Variants in ZNF585A observed in about 807,000 individuals in gnomAD.
ZNF585A encodes the protein zinc finger protein 585A.
In ZNF585A, 9 loss-of-function variants were observed where a neutral mutation model predicts 14.9. That is an observed-to-expected ratio of 0.60 (90% CI 0.36 to 1.05). The LOEUF is 1.05. Among genes scored for constraint, ZNF585A ranks in the 50% least tolerant of loss-of-function variants. The pLI, the probability that ZNF585A is intolerant of heterozygous loss-of-function variation, is 0.01. For missense variants in ZNF585A, 726 were observed against 926.4 expected (o/e 0.78, Z 2.81); for synonymous variants, 276 against 319.9 (o/e 0.86, Z 1.46).
Position 37,151,569 on chromosome 19 carries a change from G to T in ZNF585A, c.*20C>A. 1.3e-6 allele frequency: 2 copies of T among 1,594,416 alleles called. No homozygotes were observed. Among genetic ancestry groups the T allele is most frequent in the Non-Finnish European group, 1.7e-6 (2 of 1,169,492 alleles). On this transcript the variant is annotated 3_prime_UTR_variant, in exon 5 of 5. Transcript: ENST00000292841. ...ACAATCAGACCCAACCCTCAGGGGG[G>T]TTTTCTCACACTGTTTCTCTCAAGC...
Position 37,155,973 on chromosome 19 carries a change from G to A in ZNF585A, c.200-16C>T, listed in dbSNP as rs778663355. On this transcript the variant is annotated splice_polypyrimidine_tract_variant and intron_variant, in intron 3 of 4. Transcript: ENST00000292841. ...ACTTGATATCCTGTTCATGGGAAAT[G>A]ATAAAGGTCTGGGTCCAGCTAATTG... is the stretch of plus-strand genomic sequence containing the variant. 6.2e-7 allele frequency: 1 copy of A among 1,613,652 alleles called. No individual in the cohort carries two copies. Among genetic ancestry groups the A allele is most frequent in the African/African-American group, 1.3e-5 (1 of 74,884 alleles).
In ZNF585A at chr19:37,150,176, T is replaced by G. The variant is rs1294049082; in HGVS notation, c.*1413A>C. ...GGGAAATGTGGACATTATGGTTCAT[T>G]GTAAGTCACCGCCATTGCCTGAGGG... On this transcript the variant is annotated 3_prime_UTR_variant, in exon 5 of 5. Coordinates refer to ENST00000292841, the MANE Select transcript of ZNF585A (RefSeq NM_001288800.2). The G allele has an allele frequency of 2.0e-5, 3 of 151,990 alleles. No homozygotes were observed. The highest frequency in any genetic ancestry group is 6.6e-5 in the Admixed American group (1 of 15,248). The allele number at this position is 151,990 out of a possible 1,614,324, so 9.4% of individuals were successfully genotyped here.
intron 2 of ZNF585A, among the ~76,000 whole-genome samples, chr19:37,161,170 AAC>A (rs774992328): frequency 3.1e-4 from 17 of 54,814 alleles, no homozygotes; most frequent in African/African-American, 4.8e-4. Context: ...AAATCAGACA[AAC>A]ACAGTAACAA....
chr19:37,151,348 A>G lies in ZNF585A; in HGVS notation c.*241T>C. The G allele has an allele frequency of 2.2e-6, 1 of 462,136 alleles. No individual in the cohort carries two copies. Among genetic ancestry groups the G allele is most frequent in the Non-Finnish European group, 3.8e-6 (1 of 262,618 alleles). 28.6% of individuals were successfully genotyped at this position (462,136 alleles called of 1,614,324 possible). ...ATGAGAAGGCTTTTCCTATTCACCA[A>G]ATTGACTCGGTTCCTTGTCAGTATG... On this transcript the variant is annotated 3_prime_UTR_variant, in exon 5 of 5. Coordinates refer to ENST00000292841, the MANE Select transcript of ZNF585A (RefSeq NM_001288800.2).
intron 2 of ZNF585A, among the ~76,000 whole-genome samples, chr19:37,156,978 C>G (rs1231763903): frequency 6.6e-6 from 1 of 152,206 alleles, no homozygotes; most frequent in Non-Finnish European, 1.5e-5. Context: ...GCGTGAGCCA[C>G]CGCGCCTGGC....
At chr19:37,164,710 C>T (rs1166448356) in intron 2 of ZNF585A, among the ~76,000 whole-genome samples, 1 of 152,154 alleles carries the variant, frequency 6.6e-6, no homozygotes, top group Non-Finnish European at 1.5e-5. Flanking sequence ...GACAGGGTGT[C>T]ACTGTCACCT....
chr19:37,161,810 A>T (rs956042973), intron 2 of ZNF585A, among the ~76,000 whole-genome samples: 3 of 152,248 alleles, frequency 2.0e-5, no homozygotes, highest in African/African-American at 7.2e-5. Context: ...TAAGAAAAAA[A>T]AAGTCATGTA....
At chr19:37,155,645 G>A (rs939582184) in intron 4 of ZNF585A, among the ~76,000 whole-genome samples, 5 of 151,974 alleles carry the variant, frequency 3.3e-5, no homozygotes, top group East Asian at 2.0e-4. Flanking sequence ...ACACAGCCCC[G>A]GCTGCGACCC....
intron 4 of ZNF585A, among the ~76,000 whole-genome samples, chr19:37,155,158 G>A (rs553556617): frequency 4.6e-5 from 7 of 151,878 alleles, no homozygotes; most frequent in African/African-American, 9.6e-5. Context: ...CCACCACGGC[G>A]CCCGGCTAAT....
At position 37,156,065 on chromosome 19, in the gene ZNF585A, T is replaced by C. The variant is rs948152499; in HGVS notation, c.200-108A>G. The C allele has an allele frequency of 1.1e-5, 18 of 1,569,988 alleles. No individual in the cohort carries two copies. In the African/African-American group the frequency reaches 1.2e-4, roughly 11 times the overall value. ...GATTTTTTCTTCAGAAAAGTAACCA[T>C]AACTTTTCAGGGTAAAATTCTGAGT... On this transcript the variant is annotated intron_variant, in intron 3 of 4. Transcript: ENST00000292841.
In ZNF585A at chr19:37,152,929, T is replaced by C; in HGVS notation, c.970A>G (p.Lys324Glu). 6.2e-7 allele frequency: 1 copy of C among 1,614,262 alleles called. No homozygotes were observed. The highest frequency in any genetic ancestry group is 8.5e-7 in the Non-Finnish European group (1 of 1,180,046). Residue 324 changes from lysine to glutamate, a missense_variant, in exon 5 of 5, where the codon AAG becomes GAG. Lys to Glu is a moderately conservative substitution (Grantham distance 56, BLOSUM62 1). Around this residue, in one of 2 missense-constraint regions of ZNF585A, gnomAD observed 483 missense variants for 542.8 expected, o/e 0.89. Transcript: ENST00000292841. The part of the protein sequence containing the change: ...QVHQRVHTRV[K>E]PYICTEYGKV... ...CCATATTCGGTACATATATAGGGCT[T>C]CACTCTTGTGTGAACACGTTGATGT...
intron 2 of ZNF585A, among the ~76,000 whole-genome samples, chr19:37,164,424 T>C (rs1972057332): frequency 6.6e-6 from 1 of 150,896 alleles, no homozygotes; most frequent in South Asian, 2.1e-4. Flanking sequence ...AAAAGAACTA[T>C]AGGAAAATAT....
chr19:37,159,959 G>A (rs1302898121), intron 2 of ZNF585A, among the ~76,000 whole-genome samples: 3 of 152,096 alleles, frequency 2.0e-5, no homozygotes, highest in Non-Finnish European at 4.4e-5. Context: ...AAGGCTGAGA[G>A]GGAAATTTAT....
At chr19:37,154,997 C>CTTTTT (rs756330115) in intron 4 of ZNF585A, among the ~76,000 whole-genome samples, 4 of 113,652 alleles carry the variant, frequency 3.5e-5, no homozygotes, top group Non-Finnish European at 3.6e-5. Context: ...AAAGAAAGAT[C>CTTTTT]TTTTTTTTTT....
intron 2 of ZNF585A, among the ~76,000 whole-genome samples, chr19:37,168,772 G>A (rs1016859019): frequency 2.6e-5 from 4 of 152,122 alleles, no homozygotes; most frequent in African/African-American, 9.7e-5. Context: ...AATGCCTACT[G>A]CTACATAGTT....
intron 2 of ZNF585A, among the ~76,000 whole-genome samples, chr19:37,159,776 A>T (rs781759208): frequency 6.6e-6 from 1 of 152,360 alleles, no homozygotes; most frequent in Admixed American, 6.5e-5. Flanking sequence ...TTAAAAAATA[A>T]CAAACAAAAA....
chr19:37,167,039 G>C (rs1346345124), intron 2 of ZNF585A, among the ~76,000 whole-genome samples: 5 of 151,874 alleles, frequency 3.3e-5, no homozygotes, highest in Admixed American at 3.3e-4. Context: ...TCACCATGCT[G>C]CCCAGGCTGG....
chr19:37,153,241 C>T lies in ZNF585A; in HGVS notation c.658G>A (p.Gly220Arg), dbSNP rs1293974435. 6.2e-7 allele frequency: 1 copy of T among 1,614,046 alleles called. No homozygotes were observed. The highest frequency in any genetic ancestry group is 1.7e-5 in the Admixed American group (1 of 60,000). Residue 220 changes from glycine to arginine, a missense_variant, in exon 5 of 5, where the codon GGG becomes AGG. By Grantham distance (125) the Gly-to-Arg change is moderately radical (BLOSUM62 -2). Coordinates refer to ENST00000292841, the MANE Select transcript of ZNF585A (RefSeq NM_001288800.2). Reference sequence around the variant, plus strand: ...TCTGAGTTATAAGAGAAGCCTTTCCCACACTGGCTGCATTCATAGAGTTTC... The same window carrying T: ...TCTGAGTTATAAGAGAAGCCTTTCCTACACTGGCTGCATTCATAGAGTTTC... ...GEKLYECSQC[G>R]KGFSYNSDLS...
Position 37,149,720 on chromosome 19 carries a change from T to C in ZNF585A, c.*1869A>G, listed in dbSNP as rs1456367653. ...CACTGTTCTGCTCACACCATACTCA[T>C]GTAGTAGACAGGAAGCCCAGCTTGT... On this transcript the variant is annotated 3_prime_UTR_variant, in exon 5 of 5. Transcript: ENST00000292841. 1.3e-5 allele frequency: 2 copies of C among 152,198 alleles called. No individual in the cohort carries two copies. The highest frequency in any genetic ancestry group is 1.9e-4 in the East Asian group (1 of 5,192). 9.4% of individuals were successfully genotyped at this position (152,198 alleles called of 1,614,324 possible).
Sources: allele counts gnomAD v4.1 joint callset (sites outside exome capture counted in the v4.1 genomes callset), GRCh38; gene constraint gnomAD v4.1.1; regional missense constraint gnomAD v4.1.1; transcripts MANE v1.5; gene names NCBI Gene and HGNC (gene_info 2026-07-23, HGNC 2026-07-21).